Variants in SUCO observed in about 807,000 individuals in gnomAD.
SUCO encodes SUN domain containing ossification factor.
A neutral mutation model predicts 148.1 loss-of-function variants in SUCO; 57 were observed. The ratio of observed to expected loss-of-function variants is 0.38; its 90% CI spans 0.31 to 0.48. The LOEUF (loss-of-function observed/expected upper bound fraction) is 0.48, where lower values mean the gene tolerates loss of function less well. SUCO is among the 20% of genes least tolerant of loss of function. The pLI, the probability that SUCO is intolerant of heterozygous loss-of-function variation, is 0.96. For missense variants in SUCO, 1,331 were observed against 1,468.2 expected, an observed-to-expected ratio of 0.91 and a Z score of 1.53; for synonymous variants, 470 against 502.7, an observed-to-expected ratio of 0.93 and a Z score of 0.87.
At chr1:172,533,058 G>A (rs976033707), upstream of SUCO, 3 of 1,429,474 alleles carry the variant, frequency 2.1e-6, no homozygotes, top group African/African-American at 2.9e-5. Flanking sequence ...AGGTGTCGCG[G>A]CCCCGCCGGC....
intron 1 of SUCO, 97 bp downstream of exon 1, chr1:172,533,594 C>T (rs1020025329): frequency 2.7e-5 from 38 of 1,424,028 alleles, no homozygotes; most frequent in Middle Eastern, 1.9e-4. Flanking sequence ...TTTTAGGGTC[C>T]GGGTTTCCAA....
At chr1:172,549,445 T>C (rs556214438) in intron 1 of SUCO, among the ~76,000 whole-genome samples, 39 of 152,080 alleles carry the variant, frequency 2.6e-4, no homozygotes, top group African/African-American at 9.1e-4. Flanking sequence ...CTAGATTTGA[T>C]AGTATGATAA....
At chr1:172,575,416 T>A (rs1655360645) in intron 10 of SUCO, 102 bp from the exon 11 acceptor site, 1 of 745,510 alleles carries the variant, frequency 1.3e-6, no homozygotes, top group Non-Finnish European at 2.2e-6. Flanking sequence ...AGTCAGCGTG[T>A]TCACCTGGAA....
chr1:172,569,284 GATCC>G (rs1272842297), intron 7 of SUCO, 142 bp downstream of exon 7: 12 of 1,057,280 alleles, frequency 1.1e-5, no homozygotes, highest in East Asian at 3.5e-5. Context: ...AGTTGCTGTT[GATCC>G]ATCCATCCAT....
At chr1:172,535,500 C>G (rs1269486001) in intron 1 of SUCO, among the ~76,000 whole-genome samples, 1 of 152,170 alleles carries the variant, frequency 6.6e-6, no homozygotes, top group Admixed American at 6.5e-5. Context: ...TTTGAAGCCT[C>G]TGCTTTTGTG....
chr1:172,587,149 A>G (rs1656303362), intron 17 of SUCO, among the ~76,000 whole-genome samples: 1 of 152,064 alleles, frequency 6.6e-6, no homozygotes, highest in Non-Finnish European at 1.5e-5. Context: ...TCACAGGCTA[A>G]CGTAGCAGTT....
intron 1 of SUCO, chr1:172,550,724 ATG>A (rs1249055771): frequency 1.1e-5 from 2 of 177,252 alleles, no homozygotes; most frequent in African/African-American, 4.8e-5. Context: ...TGTATTACAT[ATG>A]TATTTTCCAT....
chr1:172,607,638 G>A (rs762604541), intron 22 of SUCO, among the ~76,000 whole-genome samples: 2 of 151,370 alleles, frequency 1.3e-5, no homozygotes, highest in Non-Finnish European at 3.0e-5. Flanking sequence ...TTACTTTCTT[G>A]GCAGCTTTTC....
At position 172,589,250 on chromosome 1, in the gene SUCO, G is replaced by C. The variant is rs894674339; in HGVS notation, c.2149G>C (p.Asp717His). Residue 717 changes from aspartate to histidine, a missense_variant, in exon 18 of 24, where the codon GAT becomes CAT. This residue lies in a region of SUCO where 992 missense variants were observed against 1,093.5 expected (regional missense o/e 0.91). Transcript: ENST00000263688. Reference sequence around the variant, plus strand: ...GGATGACTTGGTGAATCACACTGTAGATGCAGTTGAACTTGAACCAAGCCA... The same window carrying C: ...GGATGACTTGGTGAATCACACTGTACATGCAGTTGAACTTGAACCAAGCCA... ...HQDDLVNHTV[D>H]AVELEPSHSQ... 42 of 1,613,756 alleles carry C rather than the reference G, an allele frequency of 2.6e-5. No homozygotes were observed. The highest frequency in any genetic ancestry group is 3.5e-5 in the Non-Finnish European group (41 of 1,179,888).
rs188278684 is a variant in SUCO at position 172,608,753 on chromosome 1, C to G, written c.3272C>G (p.Pro1091Arg). Residue 1091 changes from proline to arginine, a missense_variant, in exon 23 of 24, where the codon CCA (proline) becomes CGA (arginine). By Grantham distance (103) the Pro-to-Arg change is moderately radical. Coordinates refer to ENST00000263688, the MANE Select transcript of SUCO (RefSeq NM_014283.5). ...TTTTTTTTTTTACTTACAGTAGACC[C>G]AAATGATTTGTACATTGTAGAACCC... ...SLQLTGKEVD[P>R]NDLYIVEPLK... 6.3e-7 allele frequency: 1 copy of G among 1,575,558 alleles called. No homozygotes were observed. Among genetic ancestry groups the G allele is most frequent in the East Asian group, 2.2e-5 (1 of 44,490 alleles).
chr1:172,569,250 CT>C (rs1432214878), intron 7 of SUCO, 108 bp downstream of exon 7: 2 of 1,167,476 alleles, frequency 1.7e-6, no homozygotes, highest in Non-Finnish European at 2.3e-6. Flanking sequence ...CTTTTGAAAA[CT>C]TTTTAAAGGT....
At position 172,589,334 on chromosome 1, in the gene SUCO, C is replaced by T; in HGVS notation, c.2233C>T (p.Pro745Ser). 6.2e-7 allele frequency: 1 copy of T among 1,613,278 alleles called. No homozygotes were observed. The highest frequency in any genetic ancestry group is 8.5e-7 in the Non-Finnish European group (1 of 1,179,684). Residue 745 changes from proline to serine, a missense_variant, in exon 18 of 24, where the codon CCT (proline) becomes TCT (serine). Pro to Ser is a moderately conservative substitution (Grantham distance 74, BLOSUM62 -1). This residue lies in a region of SUCO where 992 missense variants were observed against 1,093.5 expected (regional missense o/e 0.91). Coordinates refer to ENST00000263688, the MANE Select transcript of SUCO (RefSeq NM_014283.5). Reference protein sequence around the residue: ...LDITPEINPLPKIEVSESVEY... With the variant: ...LDITPEINPLSKIEVSESVEY... ...TATTACCCCAGAAATCAATCCCTTGCCTAAAATAGAAGTATCTGAGTCTGT... is the reference window on the plus strand; with the variant it reads ...TATTACCCCAGAAATCAATCCCTTGTCTAAAATAGAAGTATCTGAGTCTGT...
chr1:172,596,858 T>G (rs1657139709), intron 19 of SUCO, among the ~76,000 whole-genome samples: 1 of 152,206 alleles, frequency 6.6e-6, no homozygotes, highest in South Asian at 2.1e-4. Flanking sequence ...TCTGCTGCCT[T>G]TTGTTCAGCT....
chr1:172,586,314 G>C (rs375730166), intron 17 of SUCO, among the ~76,000 whole-genome samples: 1 of 151,924 alleles, frequency 6.6e-6, no homozygotes. Flanking sequence ...TAAAAGCATT[G>C]ATCTGTGGTA....
chr1:172,588,192 A>G, intron 17 of SUCO: 2 of 985,288 alleles, frequency 2.0e-6, no homozygotes, highest in Non-Finnish European at 2.4e-6. Flanking sequence ...TTGTGTGTTT[A>G]ATGCTGTATT....
rs955388227 is a variant in SUCO, at chr1:172,555,899, G to A, written c.319G>A (p.Val107Met). The change falls in exon 4 of 24, where the codon GTG becomes ATG. Residue 107 changes from valine (V) to methionine (M), a missense_variant. This residue lies in a region of SUCO where 992 missense variants were observed against 1,093.5 expected (regional missense o/e 0.91). Coordinates refer to ENST00000263688, the MANE Select transcript of SUCO (RefSeq NM_014283.5). ...AGAGTCAAAAAAGTTAAGTCCACCG[G>A]TGGTGGAGACACTCCCTACAGTTGA... ...NTESKKLSPP[V>M]VETLPTVDLH... 1.9e-6 allele frequency: 3 copies of A among 1,609,380 alleles called. No individual in the cohort carries two copies. Among genetic ancestry groups the A allele is most frequent in the Non-Finnish European group, 2.6e-6 (3 of 1,176,300 alleles).
chr1:172,596,083 T>C (rs1657074108), intron 19 of SUCO, among the ~76,000 whole-genome samples: 1 of 152,254 alleles, frequency 6.6e-6, no homozygotes, highest in Admixed American at 6.5e-5. Context: ...CTACTGAAGC[T>C]TGTGCATGAG....
chr1:172,569,042 A>T lies in SUCO; in HGVS notation c.756A>T (p.Gly252=), dbSNP rs541512894. 2.5e-6 allele frequency: 4 copies of T among 1,590,400 alleles called. No homozygotes were observed. In the East Asian group the frequency reaches 9.2e-5, roughly 37 times the overall value. ...KNESSDYTKP[G]DIDPTSVASP... ...AGAGCTCTGATTATACAAAACCAGG[A>T]GACATTGACCCTACATCAGTAGCAA... Residue 252 remains glycine, a synonymous_variant, in exon 7 of 24, where the codon GGA becomes GGT. Coordinates refer to ENST00000263688, the MANE Select transcript of SUCO (RefSeq NM_014283.5).
At chr1:172,607,753 CATT>C (rs1657954104) in intron 22 of SUCO, among the ~76,000 whole-genome samples, 1 of 151,624 alleles carries the variant, frequency 6.6e-6, no homozygotes, top group Admixed American at 6.6e-5. Flanking sequence ...AAATAGACAT[CATT>C]ATTAAAGAAA....
Sources: gnomAD v4.1 joint callset for allele counts (sites outside exome capture counted in the v4.1 genomes callset) on GRCh38, gnomAD v4.1.1 for gene constraint, gnomAD v4.1.1 regional missense constraint, MANE v1.5 for transcripts, NCBI Gene and HGNC (gene_info 2026-07-23, HGNC 2026-07-21) for gene names.